Variants in GABRB2 observed in about 807,000 individuals in gnomAD.
The protein encoded by GABRB2 is gamma-aminobutyric acid type A receptor subunit beta2.
In GABRB2, 16 loss-of-function variants were observed where a neutral mutation model predicts 54.7. The ratio of observed to expected loss-of-function variants is 0.29; its 90% CI spans 0.20 to 0.44. The LOEUF (loss-of-function observed/expected upper bound fraction) is 0.44, where lower values mean the gene tolerates loss of function less well. Among genes scored for constraint, GABRB2 ranks in the 20% least tolerant of loss-of-function variants. The pLI is 1.00. For missense variants in GABRB2, 355 were observed against 644.0 expected (o/e 0.55, Z 4.86); for synonymous variants, 244 against 233.8 (o/e 1.04, Z -0.40).
intron 5 of GABRB2, among the ~76,000 whole-genome samples, chr5:161,343,327 G>A (rs1304673463): frequency 1.3e-5 from 2 of 151,850 alleles, no homozygotes; most frequent in African/African-American, 4.8e-5. Context: ...ACACCATCAA[G>A]TAAGTCATGG....
intron 5 of GABRB2, among the ~76,000 whole-genome samples, chr5:161,354,634 A>G (rs1391555088): frequency 6.6e-6 from 1 of 152,016 alleles, no homozygotes; most frequent in African/African-American, 2.4e-5. Context: ...TACAATCTAT[A>G]GTGGAAGGGA....
intron 3 of GABRB2, among the ~76,000 whole-genome samples, chr5:161,467,022 A>C (rs1758300567): frequency 6.6e-6 from 1 of 152,100 alleles, no homozygotes; most frequent in East Asian, 1.9e-4. Context: ...AAGACACCTA[A>C]CAGCTTATTT....
At chr5:161,311,971 G>T (rs1427028395) in intron 9 of GABRB2, among the ~76,000 whole-genome samples, 1 of 152,004 alleles carries the variant, frequency 6.6e-6, no homozygotes. Flanking sequence ...TCTGCTAAAT[G>T]GTCTTCATCT....
chr5:161,535,782 G>A (rs1377335996), intron 3 of GABRB2, among the ~76,000 whole-genome samples: 1 of 152,178 alleles, frequency 6.6e-6, no homozygotes, highest in Non-Finnish European at 1.5e-5. Flanking sequence ...CAAACCCCAT[G>A]TTGACATTTG....
At chr5:161,470,348 A>G (rs986258656) in intron 3 of GABRB2, among the ~76,000 whole-genome samples, 2 of 151,980 alleles carry the variant, frequency 1.3e-5, no homozygotes, top group Admixed American at 6.6e-5. Flanking sequence ...GAAGCCACAG[A>G]TAGTGCAGAA....
At chr5:161,546,788 C>T (rs1761000797), upstream of GABRB2, 3 of 1,382,668 alleles carry the variant, frequency 2.2e-6, no homozygotes, top group Middle Eastern at 2.1e-4. Flanking sequence ...GGGGACCGAG[C>T]AGATTTCCTT....
intron 5 of GABRB2, among the ~76,000 whole-genome samples, chr5:161,380,103 T>A (rs536886496): frequency 2.1e-4 from 32 of 152,262 alleles, no homozygotes; most frequent in Admixed American, 1.8e-3. Flanking sequence ...ATCTAATTCA[T>A]TAAGCTTGAA....
intron 4 of GABRB2, among the ~76,000 whole-genome samples, chr5:161,420,425 C>T (rs1377245145): frequency 6.6e-6 from 1 of 152,174 alleles, no homozygotes; most frequent in Non-Finnish European, 1.5e-5. Flanking sequence ...CTTTAACCAC[C>T]AAGTTGTGTA....
At chr5:161,303,093 G>A (rs166171) in intron 9 of GABRB2, among the ~76,000 whole-genome samples, 16,560 of 152,240 alleles carry the variant, frequency 0.11, 1,029 homozygotes, top group Non-Finnish European at 0.14. Flanking sequence ...AAATCTTACA[G>A]CCAGACTATG....
intron 3 of GABRB2, among the ~76,000 whole-genome samples, chr5:161,517,238 A>C (rs1248935873): frequency 6.6e-6 from 1 of 152,316 alleles, no homozygotes; most frequent in Non-Finnish European, 1.5e-5. Flanking sequence ...TTCTGGGAGA[A>C]GTAAAATGGT....
chr5:161,543,188 T>C (rs1178836431), intron 3 of GABRB2, among the ~76,000 whole-genome samples: 1 of 152,248 alleles, frequency 6.6e-6, no homozygotes, highest in African/African-American at 2.4e-5. Flanking sequence ...CAACATCTCA[T>C]GATTTTTCAG....
intron 5 of GABRB2, among the ~76,000 whole-genome samples, chr5:161,398,486 A>G (rs1471956436): frequency 6.6e-6 from 1 of 152,130 alleles, no homozygotes; most frequent in African/African-American, 2.4e-5. Flanking sequence ...ACAATGCCCA[A>G]ATGTACAGGG....
At chr5:161,315,306 T>C (rs1757989809) in intron 9 of GABRB2, among the ~76,000 whole-genome samples, 1 of 152,194 alleles carries the variant, frequency 6.6e-6, no homozygotes, top group South Asian at 2.1e-4. Flanking sequence ...TTTCACTCTT[T>C]GCAGGGCAGG....
intron 5 of GABRB2, among the ~76,000 whole-genome samples, chr5:161,370,568 C>T (rs902227829): frequency 5.9e-5 from 9 of 152,184 alleles, no homozygotes; most frequent in African/African-American, 1.9e-4. Context: ...GGCTCTGGAT[C>T]ATCCAAAAAA....
chr5:161,384,241 C>G (rs1372958483), intron 5 of GABRB2, among the ~76,000 whole-genome samples: 2 of 152,146 alleles, frequency 1.3e-5, no homozygotes, highest in Admixed American at 1.3e-4. Flanking sequence ...GCAAAGGCCA[C>G]TGCAAAACTA....
intron 9 of GABRB2, among the ~76,000 whole-genome samples, chr5:161,312,903 G>A (rs1041880866): frequency 1.9e-4 from 29 of 152,174 alleles, no homozygotes; most frequent in Non-Finnish European, 3.5e-4. Flanking sequence ...GCAGCTCCTG[G>A]CTTTATGTAA....
chr5:161,407,134 C>T (rs1415636698), intron 5 of GABRB2, among the ~76,000 whole-genome samples: 1 of 152,040 alleles, frequency 6.6e-6, no homozygotes, highest in Non-Finnish European at 1.5e-5. Context: ...AGTTCACACG[C>T]CCTAAGTGGA....
chr5:161,467,156 G>A (rs1045708478), intron 3 of GABRB2, among the ~76,000 whole-genome samples: 1 of 152,018 alleles, frequency 6.6e-6, no homozygotes, highest in African/African-American at 2.4e-5. Flanking sequence ...CTAAAATCTT[G>A]AGCTTTGGTG....
At chr5:161,340,870 C>A (rs1442174634) in intron 5 of GABRB2, among the ~76,000 whole-genome samples, 1 of 151,986 alleles carries the variant, frequency 6.6e-6, no homozygotes, top group African/African-American at 2.4e-5. Flanking sequence ...AACTCTCCAA[C>A]GTTCTGGAAA....
Sources: allele counts gnomAD v4.1 joint callset (sites outside exome capture counted in the v4.1 genomes callset), GRCh38; gene constraint gnomAD v4.1.1; transcripts MANE v1.5; gene names NCBI Gene and HGNC (gene_info 2026-07-23, HGNC 2026-07-21).